NLGN2: variants seen among roughly 807,000 people sequenced by gnomAD.
NLGN2 encodes neuroligin-2.
Under a neutral mutation model 48.6 loss-of-function variants are expected in NLGN2, and 11 were observed. The observed-to-expected ratio is 0.23, with a 90% CI of 0.14 to 0.37. The LOEUF (loss-of-function observed/expected upper bound fraction) is 0.37, where lower values mean the gene tolerates loss of function less well. Ranked by LOEUF, NLGN2 falls within the 10% of genes least tolerant of loss-of-function variation. The pLI is 1.00. For missense variants in NLGN2, 801 were observed against 1,225.2 expected (o/e 0.65, Z 5.17); for synonymous variants, 548 against 550.0 (o/e 1.00, Z 0.05).
intron 2 of NLGN2, 123 bp from the exon 3 acceptor site, chr17:7,414,221 G>T: frequency 1.2e-6 from 1 of 844,656 alleles, no homozygotes; most frequent in South Asian, 1.5e-5. Context: ...GGATGGGAGT[G>T]ACATGTCCCC....
At position 7,414,802 on chromosome 17, in the gene NLGN2, A is replaced by T; in HGVS notation, c.798A>T (p.Ala266=). The T allele has an allele frequency of 1.9e-6, 3 of 1,614,178 alleles. No homozygotes were observed. The highest frequency in any genetic ancestry group is 2.5e-6 in the Non-Finnish European group (3 of 1,180,016). ...PERITIFGSG[A]GASCVNLLIL... ...GTATCACCATCTTTGGTTCCGGGGC[A>T]GGGGCCTCCTGCGTCAACCTTCTGA... The change falls in exon 4 of 7, where the codon GCA becomes GCT. Residue 266 remains alanine (A), a synonymous_variant. Transcript: ENST00000302926.
upstream of NLGN2, chr17:7,404,912 A>G (rs1906556273): frequency 6.6e-6 from 1 of 151,352 alleles, no homozygotes; most frequent in Non-Finnish European, 1.5e-5. Context: ...CCGGCGGATC[A>G]TCACTCTCGG....
chr17:7,408,411 C>T lies in NLGN2; in HGVS notation c.156C>T (p.Arg52=), dbSNP rs1252697607. The T allele has an allele frequency of 3.2e-6, 5 of 1,563,498 alleles. No individual in the cohort carries two copies. Among genetic ancestry groups the T allele is most frequent in the Non-Finnish European group, 4.3e-6 (5 of 1,159,400 alleles). ...TGAACACGGCCTACGGGCGAGTGCG[C>T]GGTGTGCGGCGCGAGCTCAACAACG... ...PVVNTAYGRV[R]GVRRELNNEI... is the part of the protein sequence containing the mutation. The change falls in exon 1 of 7, where the codon CGC becomes CGT. Residue 52 remains arginine, a synonymous_variant. Transcript: ENST00000302926. The surrounding 1 kb of genome is among the most constrained non-coding windows in gnomAD (Gnocchi z 7.5).
chr17:7,412,149 G>A lies in NLGN2; in HGVS notation c.458-8G>A, dbSNP rs774215684. The A allele has an allele frequency of 8.2e-6, 12 of 1,463,250 alleles. No homozygotes were observed. The highest frequency in any genetic ancestry group is 3.0e-5 in the East Asian group (1 of 33,724). 90.6% of individuals were successfully genotyped at this position (1,463,250 alleles called of 1,614,324 possible). ...CCTTTTTTCTCTGTTTTGTGTTCCCGGTCTTAGGTCCGCTCACAAAAAAAC... is the reference window on the plus strand; with the variant it reads ...CCTTTTTTCTCTGTTTTGTGTTCCCAGTCTTAGGTCCGCTCACAAAAAAAC... On this transcript the variant is annotated splice_polypyrimidine_tract_variant and splice_region_variant and intron_variant, in intron 1 of 6. Transcript: ENST00000302926.
intron 6 of NLGN2, 124 bp from the exon 7 acceptor site, chr17:7,416,802 T>C (rs1907117285): frequency 1.6e-6 from 2 of 1,227,970 alleles, no homozygotes; most frequent in Admixed American, 2.0e-5. Flanking sequence ...TGTGACTTTT[T>C]CTCTGGCTTT....
At chr17:7,414,201 T>G (rs989085252) in intron 2 of NLGN2, 143 bp from the exon 3 acceptor site, 1 of 715,298 alleles carries the variant, frequency 1.4e-6, no homozygotes, top group African/African-American at 1.7e-5. Context: ...AATCCGGTCT[T>G]GCCCCCCAGG....
In NLGN2 at chr17:7,408,212, A is replaced by AGGGGGGGGGGTCCCAGGGAG. The variant is rs1906727549; in HGVS notation, c.-41_-22dup. On this transcript the variant is annotated 5_prime_UTR_variant, in exon 1 of 7. Coordinates refer to ENST00000302926, the MANE Select transcript of NLGN2 (RefSeq NM_020795.4). This position sits in a 1 kb window ranked among gnomAD's most constrained non-coding sequence, Gnocchi z 7.5. ...TCTCCCCCCCTTCTCTCTCTCTCCGAGGGGGGGGGGTCCCAGGGAGGGAGG... is the reference window on the plus strand; with the variant it reads ...TCTCCCCCCCTTCTCTCTCTCTCCGAGGGGGGGGGGTCCCAGGGAGGGGGGGGGGGTCCCAGGGAGGGAGG... 3.4e-6 allele frequency: 3 copies of AGGGGGGGGGGTCCCAGGGAG among 881,278 alleles called. No homozygotes were observed. Among genetic ancestry groups the AGGGGGGGGGGTCCCAGGGAG allele is most frequent in the East Asian group, 4.2e-5 (1 of 23,978 alleles). 54.6% of individuals were successfully genotyped at this position (881,278 alleles called of 1,614,324 possible).
chr17:7,410,636 C>T (rs1226153734), intron 1 of NLGN2, among the ~76,000 whole-genome samples: 9 of 152,144 alleles, frequency 5.9e-5, no homozygotes, highest in Non-Finnish European at 1.5e-5. Flanking sequence ...CACTTGTCAC[C>T]AATGGACTGT....
chr17:7,417,986 T>C lies in NLGN2; in HGVS notation c.*187T>C. On this transcript the variant is annotated 3_prime_UTR_variant, in exon 7 of 7. Transcript: ENST00000302926. The stretch of plus-strand genomic sequence containing the variant: ...CCACGCAGAGAAGCCCAGTCTCTTC[T>C]CTGGATCTGGGCCTTTGAACAACTG... 2.3e-6 allele frequency: 1 copy of C among 440,302 alleles called. No individual in the cohort carries two copies. 27.3% of individuals were successfully genotyped at this position (440,302 alleles called of 1,614,324 possible).
In NLGN2 at chr17:7,418,000, T is replaced by A; in HGVS notation, c.*201T>A. The stretch of plus-strand genomic sequence containing the variant: ...CCAGTCTCTTCTCTGGATCTGGGCC[T>A]TTGAACAACTGGGGGGCGTTTTCTC... On this transcript the variant is annotated 3_prime_UTR_variant, in exon 7 of 7. Transcript: ENST00000302926. 1.3e-5 allele frequency: 5 copies of A among 397,528 alleles called. No homozygotes were observed. Among genetic ancestry groups the A allele is most frequent in the Non-Finnish European group, 2.2e-5 (5 of 232,422 alleles). The allele number at this position is 397,528 out of a possible 1,614,324, so 24.6% of individuals were successfully genotyped here.
intron 1 of NLGN2, among the ~76,000 whole-genome samples, chr17:7,409,546 C>G (rs1289124904): frequency 6.6e-6 from 1 of 152,054 alleles, no homozygotes; most frequent in East Asian, 1.9e-4. Context: ...AGACCAGCCT[C>G]ACAAACACCC....
upstream of NLGN2, among the ~76,000 whole-genome samples, chr17:7,406,439 T>G (rs1167323895): frequency 1.3e-5 from 2 of 151,614 alleles, no homozygotes; most frequent in Non-Finnish European, 2.9e-5. Context: ...AAGGAGATCC[T>G]GGGGGAATCA....
At position 7,415,556 on chromosome 17, in the gene NLGN2, C is replaced by A. The variant is rs374724532; in HGVS notation, c.1083C>A (p.Pro361=). Reference sequence around the variant, plus strand: ...CCGTGGTGGATGGCGACGTGGTCCCCGATGACCCTGAGATCCTCATGCAGC... The same window carrying A: ...CCGTGGTGGATGGCGACGTGGTCCCAGATGACCCTGAGATCCTCATGCAGC... ...FGPVVDGDVV[P]DDPEILMQQG... Residue 361 remains proline (P), a synonymous_variant, in exon 6 of 7, where the codon CCC becomes CCA. Transcript: ENST00000302926. 6.2e-7 allele frequency: 1 copy of A among 1,614,234 alleles called. No homozygotes were observed. Among genetic ancestry groups the A allele is most frequent in the Non-Finnish European group, 8.5e-7 (1 of 1,180,036 alleles).
chr17:7,410,271 C>A (rs1376602959), intron 1 of NLGN2, among the ~76,000 whole-genome samples: 1 of 151,864 alleles, frequency 6.6e-6, no homozygotes, highest in Non-Finnish European at 1.5e-5. Context: ...CCTGTATCCC[C>A]CATCCCAGCC....
chr17:7,414,124 C>A (rs1010611640), intron 2 of NLGN2, among the ~76,000 whole-genome samples: 3 of 152,030 alleles, frequency 2.0e-5, no homozygotes, highest in African/African-American at 7.2e-5. Flanking sequence ...GGAGAAGTGC[C>A]GCGGGGAAGG....
At chr17:7,406,620 G>C (rs1473443512), upstream of NLGN2, among the ~76,000 whole-genome samples, 1 of 132,786 alleles carries the variant, frequency 7.5e-6, no homozygotes, top group Non-Finnish European at 1.6e-5. Context: ...AAAACCCCGC[G>C]TCAGCAAACA....
rs1300408798 is a variant in NLGN2 at position 7,412,147 on chromosome 17, C to T, written c.458-10C>T. 8 of 1,537,026 alleles carry T rather than the reference C, an allele frequency of 5.2e-6. No homozygotes were observed. ...GTCCTTTTTTCTCTGTTTTGTGTTCCCGGTCTTAGGTCCGCTCACAAAAAA... is the reference window on the plus strand; with the variant it reads ...GTCCTTTTTTCTCTGTTTTGTGTTCTCGGTCTTAGGTCCGCTCACAAAAAA... On this transcript the variant is annotated splice_polypyrimidine_tract_variant and intron_variant, in intron 1 of 6. Transcript: ENST00000302926.
In NLGN2 at chr17:7,415,964, T is replaced by G; in HGVS notation, c.1491T>G (p.Asp497Glu). 1 of 1,614,206 alleles carries G rather than the reference T, an allele frequency of 6.2e-7. No individual in the cohort carries two copies. The highest frequency in any genetic ancestry group is 1.6e-4 in the Middle Eastern group (1 of 6,062). Residue 497 changes from aspartate to glutamate, a missense_variant, in exon 6 of 7, where the codon GAT becomes GAG. Physicochemically the swap from Asp to Glu is conservative, Grantham distance 45. Coordinates refer to ENST00000302926, the MANE Select transcript of NLGN2 (RefSeq NM_020795.4). ...CQAEGRPEWA[D>E]AAHGDELPYV... ...CGGAGGGCCGGCCTGAGTGGGCAGA[T>G]GCGGCGCACGGGGATGAACTGCCCT...
At chr17:7,407,727 G>A (rs1055151146), upstream of NLGN2, among the ~76,000 whole-genome samples, 18 of 152,144 alleles carry the variant, frequency 1.2e-4, no homozygotes, top group African/African-American at 4.3e-4. Flanking sequence ...TCCTCTGGCT[G>A]GGTCCTGGAC....
Sources: gnomAD v4.1 joint callset for allele counts (sites outside exome capture counted in the v4.1 genomes callset) on GRCh38, gnomAD v4.1.1 for gene constraint, Gnocchi (gnomAD v3.1) non-coding constraint, MANE v1.5 for transcripts, NCBI Gene and HGNC (gene_info 2026-07-23, HGNC 2026-07-21) for gene names.